FBXW8: variants seen among roughly 807,000 people sequenced by gnomAD.
FBXW8 encodes F-box and WD repeat domain containing 8, also known as F-box/WD repeat-containing protein 8.
A neutral mutation model predicts 65.3 loss-of-function variants in FBXW8; 57 were observed. The observed-to-expected ratio is 0.87, with a 90% CI of 0.71 to 1.09. FBXW8 has a LOEUF of 1.09. Ranked by LOEUF, FBXW8 falls within the 50% of genes least tolerant of loss-of-function variation. The pLI, the probability that FBXW8 is intolerant of heterozygous loss-of-function variation, is 0.00. For missense variants in FBXW8, 777 were observed against 814.8 expected, an observed-to-expected ratio of 0.95 and a Z score of 0.57; for synonymous variants, 308 against 330.2, an observed-to-expected ratio of 0.93 and a Z score of 0.73.
chr12:117,010,589 T>G, intron 8 of FBXW8, 139 bp downstream of exon 8: 2 of 1,089,542 alleles, frequency 1.8e-6, no homozygotes, highest in Non-Finnish European at 2.7e-6. Flanking sequence ...ATAAACACTC[T>G]AGACTCAGAG....
At chr12:116,984,200 G>C (rs1048762423) in intron 5 of FBXW8, among the ~76,000 whole-genome samples, 4 of 152,180 alleles carry the variant, frequency 2.6e-5, no homozygotes, top group African/African-American at 9.7e-5. Flanking sequence ...GTACAGAAAA[G>C]GTTATCTGAC....
intron 9 of FBXW8, 111 bp from the exon 10 acceptor site, chr12:117,027,283 C>T (rs1954254350): frequency 1.3e-6 from 1 of 798,944 alleles, no homozygotes; most frequent in Admixed American, 2.1e-5. Flanking sequence ...GAAAGAGAAG[C>T]TTAGCTTTAT....
chr12:117,028,043 C>G lies in FBXW8; in HGVS notation c.1668C>G (p.Ile556Met), dbSNP rs760588207. The G allele has an allele frequency of 3.6e-5, 58 of 1,613,964 alleles. No homozygotes were observed. Among genetic ancestry groups the G allele is most frequent in the Non-Finnish European group, 2.6e-5 (31 of 1,180,036 alleles). ...FTTHRRHRGL[I>M]RAYEFAVDQL... is the part of the protein sequence containing the mutation. Reference sequence around the variant, plus strand: ...CTCTTTCTAGACACCGGGGGCTGATCCGCGCCTATGAGTTTGCGGTGGACC... The same window carrying G: ...CTCTTTCTAGACACCGGGGGCTGATGCGCGCCTATGAGTTTGCGGTGGACC... The change falls in exon 11 of 11, where the codon ATC becomes ATG. Residue 556 changes from isoleucine (I) to methionine (M), a missense_variant. Ile to Met is a conservative substitution (Grantham distance 10). Transcript: ENST00000652555. The surrounding 1 kb of genome is among the most constrained non-coding windows in gnomAD (Gnocchi z 4.1).
intron 7 of FBXW8, among the ~76,000 whole-genome samples, chr12:117,001,721 G>C (rs1184288760): frequency 6.6e-6 from 1 of 152,144 alleles, no homozygotes; most frequent in Non-Finnish European, 1.5e-5. Flanking sequence ...GGAGCATGAA[G>C]GAGGGTGTAA....
chr12:117,007,867 C>G (rs16947216), intron 7 of FBXW8, among the ~76,000 whole-genome samples: 4,069 of 152,024 alleles, frequency 0.027, 180 homozygotes, highest in African/African-American at 0.087. Context: ...CGTTAAGGGA[C>G]TCGTAACGTG....
intron 2 of FBXW8, among the ~76,000 whole-genome samples, chr12:116,935,755 A>T (rs1882109973): frequency 6.6e-6 from 1 of 152,202 alleles, no homozygotes; most frequent in African/African-American, 2.4e-5. Context: ...ACTTTTCCAC[A>T]ATTAAAAAGT....
intron 5 of FBXW8, among the ~76,000 whole-genome samples, chr12:116,966,749 G>C (rs948750639): frequency 6.6e-6 from 1 of 151,770 alleles, no homozygotes; most frequent in African/African-American, 2.4e-5. Flanking sequence ...GGGTTTTGCT[G>C]TGCCACCCAG....
intron 5 of FBXW8, among the ~76,000 whole-genome samples, chr12:116,975,326 A>G (rs1057241531): frequency 2.0e-5 from 3 of 152,248 alleles, no homozygotes; most frequent in Admixed American, 1.3e-4. Context: ...GAGGCTGGAA[A>G]GTCCAAGATC....
chr12:116,925,881 T>C (rs1291149113), intron 1 of FBXW8, among the ~76,000 whole-genome samples: 1 of 152,168 alleles, frequency 6.6e-6, no homozygotes, highest in Non-Finnish European at 1.5e-5. Flanking sequence ...TGGTGGCTTG[T>C]TGGTAAGGTG....
At chr12:116,982,860 G>A (rs1885409519) in intron 5 of FBXW8, among the ~76,000 whole-genome samples, 1 of 152,152 alleles carries the variant, frequency 6.6e-6, no homozygotes. Context: ...GATGGTGTAC[G>A]TCAGTTACTC....
chr12:116,993,380 G>A (rs773195683), intron 7 of FBXW8, among the ~76,000 whole-genome samples: 3 of 152,122 alleles, frequency 2.0e-5, no homozygotes, highest in Non-Finnish European at 4.4e-5. Context: ...GGGATTACAG[G>A]TGTGGGCCAC....
chr12:116,962,286 G>T (rs1884033005), intron 4 of FBXW8, among the ~76,000 whole-genome samples: 1 of 152,316 alleles, frequency 6.6e-6, no homozygotes, highest in African/African-American at 2.4e-5. Flanking sequence ...CTCTTTCTCT[G>T]AGTAAGGAGC....
rs1954327079 is a variant in FBXW8 at position 117,030,228 on chromosome 12, GAGCTGCGACTGGGA to G, written c.*2060_*2073del. The G allele has an allele frequency of 6.6e-6, 1 of 152,220 alleles. No homozygotes were observed. Among genetic ancestry groups the G allele is most frequent in the African/African-American group, 2.4e-5 (1 of 41,462 alleles). 9.4% of individuals were successfully genotyped at this position (152,220 alleles called of 1,614,324 possible). On this transcript the variant is annotated 3_prime_UTR_variant, in exon 11 of 11. Coordinates refer to ENST00000652555, the MANE Select transcript of FBXW8 (RefSeq NM_153348.3). ...ACTACACAGGGGAACGGAGCAGATAGAGCTGCGACTGGGAAGCGTCACCTTCCCGTCCAGAGCGC... is the reference window on the plus strand; with the variant it reads ...ACTACACAGGGGAACGGAGCAGATAGAGCGTCACCTTCCCGTCCAGAGCGC...
chr12:116,988,774 T>C lies in FBXW8; in HGVS notation c.1144T>C (p.Tyr382His), dbSNP rs771285128. ...KAEDSARTLL[Y>H]AHGPPVTCLD... ...CGAAGACTCCGCCAGAACCCTCCTT[T>C]ACGCCCACGGCCCGCCTGTCACATG... The change falls in exon 7 of 11, where the codon TAC (tyrosine) becomes CAC (histidine). Residue 382 changes from tyrosine (Y) to histidine (H), a missense_variant. Tyr to His is a moderately conservative substitution (Grantham distance 83). Coordinates refer to ENST00000652555, the MANE Select transcript of FBXW8 (RefSeq NM_153348.3). 1 of 1,614,134 alleles carries C rather than the reference T, an allele frequency of 6.2e-7. No individual in the cohort carries two copies.
chr12:116,925,178 G>T (rs954844006), intron 1 of FBXW8, among the ~76,000 whole-genome samples: 2 of 152,130 alleles, frequency 1.3e-5, no homozygotes, highest in African/African-American at 4.8e-5. Context: ...CCTGAACTGA[G>T]CAAGGGGGCC....
At chr12:116,949,106 G>A (rs1377594864) in intron 3 of FBXW8, 1 of 154,708 alleles carries the variant, frequency 6.5e-6, no homozygotes, top group Non-Finnish European at 1.4e-5. Flanking sequence ...CTCTCAGTTA[G>A]AAATAGTATC....
At chr12:116,943,929 A>G (rs891164651) in intron 2 of FBXW8, among the ~76,000 whole-genome samples, 1 of 152,224 alleles carries the variant, frequency 6.6e-6, no homozygotes, top group Non-Finnish European at 1.5e-5. Context: ...GCTCAGATAA[A>G]GACAAGCCTT....
chr12:117,015,264 C>T (rs1233694569), intron 8 of FBXW8, among the ~76,000 whole-genome samples: 4 of 152,150 alleles, frequency 2.6e-5, no homozygotes, highest in Non-Finnish European at 5.9e-5. Context: ...GTTTGACTCT[C>T]CTCTGCAATC....
In FBXW8 at chr12:117,030,452, A is replaced by T. The variant is rs558099238; in HGVS notation, c.*2280A>T. The T allele has an allele frequency of 6.6e-6, 1 of 152,088 alleles. No homozygotes were observed. Among genetic ancestry groups the T allele is most frequent in the Admixed American group, 6.5e-5 (1 of 15,272 alleles). The allele number at this position is 152,088 out of a possible 1,614,324, so 9.4% of individuals were successfully genotyped here. The stretch of plus-strand genomic sequence containing the variant: ...GCCTCGCTTTAGAAGGTTTTCATCA[A>T]GCCCCGCCCTTTCTCTCTCATAGTC... On this transcript the variant is annotated 3_prime_UTR_variant, in exon 11 of 11. Coordinates refer to ENST00000652555, the MANE Select transcript of FBXW8 (RefSeq NM_153348.3).
Sources: gnomAD v4.1 joint callset for allele counts (sites outside exome capture counted in the v4.1 genomes callset) on GRCh38, gnomAD v4.1.1 for gene constraint, Gnocchi (gnomAD v3.1) non-coding constraint, MANE v1.5 for transcripts, NCBI Gene and HGNC (gene_info 2026-07-23, HGNC 2026-07-21) for gene names.